PCDHA1: variants seen among roughly 807,000 people sequenced by gnomAD.
The protein encoded by PCDHA1 is protocadherin alpha 1.
In PCDHA1, 42 loss-of-function variants were observed where a neutral mutation model predicts 61.3. The observed-to-expected ratio is 0.69, with a 90% CI of 0.54 to 0.89. PCDHA1 has a LOEUF of 0.89. Among genes scored for constraint, PCDHA1 ranks in the 40% least tolerant of loss-of-function variants. The pLI is 0.00. For missense variants in PCDHA1, 1,256 were observed against 1,235.3 expected, an observed-to-expected ratio of 1.02 and a Z score of -0.25; for synonymous variants, 610 against 553.8, an observed-to-expected ratio of 1.10 and a Z score of -1.43.
intron 1 of PCDHA1, among the ~76,000 whole-genome samples, chr5:140,915,680 A>G (rs2077249777): frequency 6.6e-6 from 1 of 150,862 alleles, no homozygotes; most frequent in South Asian, 2.1e-4. Context: ...ATCTTGAACT[A>G]GGGGTATGGT....
intron 3 of PCDHA1, among the ~76,000 whole-genome samples, chr5:140,983,631 C>T (rs1336337529): frequency 2.0e-5 from 3 of 152,134 alleles, no homozygotes; most frequent in African/African-American, 7.2e-5. Context: ...AAGAAATGTA[C>T]CCAAGTTCAC....
At position 140,788,588 on chromosome 5, in the gene PCDHA1, G is replaced by A. The variant is rs562336095; in HGVS notation, c.2298G>A (p.Lys766=). Residue 766 remains lysine (K), a synonymous_variant, in exon 1 of 4, where the codon AAG becomes AAA. Coordinates refer to ENST00000504120, the MANE Select transcript of PCDHA1 (RefSeq NM_018900.4). Reference sequence around the variant, plus strand: ...TGTGCTCTAGCGAGGGCCCACCCAAGACCGACCTCATGGCCTTCAGCCCAG... The same window carrying A: ...TGTGCTCTAGCGAGGGCCCACCCAAAACCGACCTCATGGCCTTCAGCCCAG... ...QRVCSSEGPP[K]TDLMAFSPGL... 1 of 1,614,076 alleles carries A rather than the reference G, an allele frequency of 6.2e-7. No homozygotes were observed. Among genetic ancestry groups the A allele is most frequent in the African/African-American group, 1.3e-5 (1 of 74,950 alleles).
At chr5:140,823,299 G>C (rs2150124417) in intron 1 of PCDHA1, 11 of 1,612,248 alleles carry the variant, frequency 6.8e-6, no homozygotes, top group Middle Eastern at 2.0e-4. Context: ...GTTACGTTTC[G>C]GTGCACGCGG....
intron 1 of PCDHA1, chr5:140,855,997 T>C (rs1562502842): frequency 1.3e-6 from 2 of 1,505,732 alleles, no homozygotes; most frequent in Non-Finnish European, 1.8e-6. Flanking sequence ...TCAGATCGTA[T>C]GTGCGTTCTA....
chr5:140,896,854 C>T (rs1211925701), intron 1 of PCDHA1, among the ~76,000 whole-genome samples: 4 of 152,004 alleles, frequency 2.6e-5, no homozygotes, highest in Non-Finnish European at 5.9e-5. Context: ...TTTATGGGTA[C>T]ATAATAAGTG....
intron 1 of PCDHA1, chr5:140,842,493 C>G (rs1554139100): frequency 6.2e-7 from 1 of 1,613,738 alleles, no homozygotes; most frequent in African/African-American, 1.3e-5. Context: ...TCCCTGATGC[C>G]CCATGTCCCC....
rs782397943 is a variant in PCDHA1, at chr5:140,796,546, G to C, written c.2394+7862G>C. 48 of 1,613,082 alleles carry C rather than the reference G, an allele frequency of 3.0e-5. No individual in the cohort carries two copies. In the Admixed American group the frequency reaches 3.7e-4, roughly 12 times the overall value. Reference sequence around the variant, plus strand: ...GCTGCAGCCGCTGGACCACGAGGAAGTGGAGCTGCTGCAGTTCCAGGTGAG... The same window carrying C: ...GCTGCAGCCGCTGGACCACGAGGAACTGGAGCTGCTGCAGTTCCAGGTGAG... On this transcript the variant is annotated intron_variant, in intron 1 of 3. Coordinates refer to ENST00000504120, the MANE Select transcript of PCDHA1 (RefSeq NM_018900.4).
intron 1 of PCDHA1, among the ~76,000 whole-genome samples, chr5:140,900,299 GAC>G (rs1372785177): frequency 6.6e-6 from 1 of 151,604 alleles, no homozygotes; most frequent in Non-Finnish European, 1.5e-5. Flanking sequence ...TGTTTTTTTA[GAC>G]AGTCTCACTT....
intron 1 of PCDHA1, among the ~76,000 whole-genome samples, chr5:140,914,476 G>C (rs1054000684): frequency 6.6e-6 from 1 of 152,140 alleles, no homozygotes; most frequent in Non-Finnish European, 1.5e-5. Context: ...CTTCATAGGT[G>C]AAGTGTTTCT....
At chr5:140,951,343 G>C (rs2094573680) in intron 1 of PCDHA1, among the ~76,000 whole-genome samples, 1 of 151,988 alleles carries the variant, frequency 6.6e-6, no homozygotes, top group South Asian at 2.1e-4. Flanking sequence ...GTTTGTGTTA[G>C]TCCATTATTG....
chr5:140,839,374 AATT>A lies in PCDHA1; in HGVS notation c.2394+50696_2394+50698del, dbSNP rs2150296854. Among the ~76,000 whole-genome samples the A allele has an allele frequency of 6.0e-3, 174 of 29,192 alleles. 2 individuals carry two copies. In the South Asian group the frequency reaches 0.16, roughly 27 times the overall value. The allele number at this position is 29,192 out of a possible 152,430, so 19.2% of individuals were successfully genotyped here. On this transcript the variant is annotated intron_variant, in intron 1 of 3. Coordinates refer to ENST00000504120, the MANE Select transcript of PCDHA1 (RefSeq NM_018900.4). ...CTTAGCCACCTAAGCTGTATTCATC[AATT>A]ATTATGATGATGATGATGATTATTA...
intron 1 of PCDHA1, 191 bp downstream of exon 1, chr5:140,788,875 T>A: frequency 7.6e-7 from 1 of 1,322,702 alleles, no homozygotes; most frequent in Non-Finnish European, 9.8e-7. Flanking sequence ...AAGAAAAATG[T>A]AGGGACAAAT....
intron 1 of PCDHA1, among the ~76,000 whole-genome samples, chr5:140,916,143 T>A (rs1237563249): frequency 4.6e-5 from 7 of 152,012 alleles, no homozygotes; most frequent in Non-Finnish European, 8.8e-5. Context: ...GCTGTTCAGT[T>A]GTGTTGTGGT....
chr5:140,829,590 G>A, intron 1 of PCDHA1: 1 of 1,612,072 alleles, frequency 6.2e-7, no homozygotes, highest in Non-Finnish European at 8.5e-7. Context: ...CGGCGGGTGG[G>A]CGAGCGCGCG....
Position 140,871,201 on chromosome 5 carries a change from A to G in PCDHA1, c.2394+82517A>G, listed in dbSNP as rs561860727. ...GCTGGTGGATGTCAACGTGTACCTGATCATCGCCATCTGCGTGGTGTCCAG... is the reference window on the plus strand; with the variant it reads ...GCTGGTGGATGTCAACGTGTACCTGGTCATCGCCATCTGCGTGGTGTCCAG... On this transcript the variant is annotated intron_variant, in intron 1 of 3. Coordinates refer to ENST00000504120, the MANE Select transcript of PCDHA1 (RefSeq NM_018900.4). The G allele has an allele frequency of 3.3e-5, 54 of 1,613,672 alleles. 1 individual carries two copies. The Admixed American group carries it at 7.2e-4, about 21-fold the overall frequency.
Position 140,788,157 on chromosome 5 carries a change from C to T in PCDHA1, c.1867C>T (p.Arg623Cys), listed in dbSNP as rs781903549. ...PAAGGARIPF[R>C]VGLYTGEIST... ...AGCAGGCGGCGCGCGCATCCCGTTCCGCGTGGGGCTGTACACGGGCGAGAT... is the reference window on the plus strand; with the variant it reads ...AGCAGGCGGCGCGCGCATCCCGTTCTGCGTGGGGCTGTACACGGGCGAGAT... Residue 623 changes from arginine (R) to cysteine (C), a missense_variant, in exon 1 of 4, where the codon CGC (arginine) becomes TGC (cysteine). Arg to Cys is a radical substitution (Grantham distance 180). Transcript: ENST00000504120. 3 of 1,613,896 alleles carry T rather than the reference C, an allele frequency of 1.9e-6. No homozygotes were observed. Among genetic ancestry groups the T allele is most frequent in the Non-Finnish European group, 2.5e-6 (3 of 1,179,930 alleles).
intron 1 of PCDHA1, chr5:140,866,746 G>A (rs1264233885): frequency 6.6e-6 from 1 of 152,118 alleles, no homozygotes; most frequent in Admixed American, 6.5e-5. Flanking sequence ...ATACTTATAT[G>A]ACTAACAGGA....
intron 1 of PCDHA1, among the ~76,000 whole-genome samples, chr5:140,947,914 GCCTTAAC>G (rs2094192185): frequency 6.6e-6 from 1 of 151,456 alleles, no homozygotes. Context: ...AGACATTCTT[GCCTTAAC>G]CCTGATCTTA....
At chr5:140,931,539 T>C (rs1339633476) in intron 1 of PCDHA1, among the ~76,000 whole-genome samples, 1 of 152,056 alleles carries the variant, frequency 6.6e-6, no homozygotes, top group Non-Finnish European at 1.5e-5. Context: ...AGAGATATAC[T>C]GTTCATATGT....
Sources: allele counts gnomAD v4.1 joint callset (sites outside exome capture counted in the v4.1 genomes callset), GRCh38; gene constraint gnomAD v4.1.1; transcripts MANE v1.5; gene names NCBI Gene and HGNC (gene_info 2026-07-23, HGNC 2026-07-21).